Variants in CA5A observed in about 807,000 individuals in gnomAD.
The protein encoded by CA5A is carbonic anhydrase 5A, also known as carbonic anhydrase 5A, mitochondrial.
A neutral mutation model predicts 37.1 loss-of-function variants in CA5A; 28 were observed. The observed-to-expected ratio is 0.75, with a 90% CI of 0.56 to 1.03. The LOEUF (loss-of-function observed/expected upper bound fraction) is 1.03. Among genes scored for constraint, CA5A ranks in the 50% least tolerant of loss-of-function variants. The pLI is 0.00. For synonymous variants in CA5A, 171 were observed against 158.4 expected, an observed-to-expected ratio of 1.08 and a Z score of -0.60; for missense variants, 444 against 399.9, an observed-to-expected ratio of 1.11 and a Z score of -0.94.
rs575176640 is a variant in CA5A at position 87,909,585 on chromosome 16, C to T, written c.341-4681G>A. Among the ~76,000 whole-genome samples, 11 of 152,238 alleles carry T rather than the reference C, an allele frequency of 7.2e-5. No homozygotes were observed. In the South Asian group the frequency reaches 2.1e-3, roughly 29 times the overall value. The stretch of plus-strand genomic sequence containing the variant: ...AGCAACGTAGCCCGCGCGGGGCGCA[C>T]GCATTTCAGGAAGACACAGAGGCCT... On this transcript the variant is annotated intron_variant, in intron 2 of 6. Coordinates refer to ENST00000649794, the MANE Select transcript of CA5A (RefSeq NM_001739.2).
Position 87,911,425 on chromosome 16 carries a change from G to C in CA5A, c.341-6521C>G, listed in dbSNP as rs568933808. 6.6e-6 allele frequency among the ~76,000 whole-genome samples: 1 copy of C among 152,172 alleles called. No homozygotes were observed. The highest frequency in any genetic ancestry group is 2.4e-5 in the African/African-American group (1 of 41,440). On this transcript the variant is annotated intron_variant, in intron 2 of 6. Coordinates refer to ENST00000649794, the MANE Select transcript of CA5A (RefSeq NM_001739.2). The surrounding 1 kb of genome is among the most constrained non-coding windows in gnomAD (Gnocchi z 4.6). The stretch of plus-strand genomic sequence containing the variant: ...GTTAATAGCCATCTATTTGTAGTTC[G>C]GGGCTTTTACCAAGATGAGCAGGCT...
At chr16:87,899,456 C>T (rs528189040) in intron 5 of CA5A, among the ~76,000 whole-genome samples, 3 of 151,120 alleles carry the variant, frequency 2.0e-5, no homozygotes, top group Admixed American at 2.0e-4. Flanking sequence ...GCACCCGCCA[C>T]CACGCCTGGC....
At chr16:87,914,360 C>T (rs913272373) in intron 2 of CA5A, among the ~76,000 whole-genome samples, 6 of 152,184 alleles carry the variant, frequency 3.9e-5, no homozygotes, top group Admixed American at 1.3e-4. Context: ...GTCAGGCAAC[C>T]GCCAGCAGCA....
At chr16:87,914,057 G>A (rs925992607) in intron 2 of CA5A, among the ~76,000 whole-genome samples, 1 of 152,224 alleles carries the variant, frequency 6.6e-6, no homozygotes, top group Non-Finnish European at 1.5e-5. Flanking sequence ...GTGAGTGCCA[G>A]GGCTGGGTCT....
chr16:87,881,731 G>A (rs1337976933), exon 5 of CA5A: 1 of 152,220 alleles, frequency 6.6e-6, no homozygotes, highest in Non-Finnish European at 1.5e-5. Flanking sequence ...CGGGAGGGAA[G>A]CCTCCTGTTT....
At chr16:87,925,784 G>A (rs1451051732) in intron 2 of CA5A, among the ~76,000 whole-genome samples, 1 of 152,028 alleles carries the variant, frequency 6.6e-6, no homozygotes, top group Non-Finnish European at 1.5e-5. Context: ...TGGCTTTCAG[G>A]ACCTCTCAAG....
intron 1 of CA5A, among the ~76,000 whole-genome samples, chr16:87,929,894 AAAT>A (rs1216330355): frequency 1.2e-3 from 185 of 151,510 alleles, no homozygotes; most frequent in African/African-American, 4.3e-3. Flanking sequence ...AAAAAAAAAA[AAAT>A]AAGTAAACCA....
chr16:87,931,619 G>A (rs962414052), intron 1 of CA5A, among the ~76,000 whole-genome samples: 5 of 152,202 alleles, frequency 3.3e-5, no homozygotes, highest in South Asian at 4.1e-4. Flanking sequence ...GCTCGCTGGC[G>A]CTGGGGAAGG....
At chr16:87,908,299 G>C (rs189847495) in intron 2 of CA5A, among the ~76,000 whole-genome samples, 1 of 152,326 alleles carries the variant, frequency 6.6e-6, no homozygotes, top group African/African-American at 2.4e-5. Context: ...CTCTCTACCT[G>C]TTAAATGAGA....
chr16:87,904,967 C>G, intron 2 of CA5A, 63 bp from the exon 3 acceptor site: 2 of 1,018,892 alleles, frequency 2.0e-6, no homozygotes, highest in Admixed American at 3.4e-5. Context: ...GTGGTGTTAC[C>G]TGAGGCATTG....
chr16:87,920,730 T>A (rs1453344919), intron 2 of CA5A, among the ~76,000 whole-genome samples: 1 of 152,200 alleles, frequency 6.6e-6, no homozygotes, highest in Middle Eastern at 3.2e-3. Context: ...GCAATTCTTC[T>A]GCCTCAGCCT....
rs1225842307 is a variant in CA5A, at chr16:87,881,985, C to G, written c.*17-46G>C. ...TGAAGGTCAGCCACTCCCTGCTTCT[C>G]TTGGTGTCTTGTTGGACACGATGTC... On this transcript the variant is annotated intron_variant, in intron 4 of 4. Coordinates refer to the CA5A transcript ENST00000648177. 2.6e-5 allele frequency: 4 copies of G among 152,246 alleles called. No individual in the cohort carries two copies. The East Asian group carries it at 7.7e-4, about 29-fold the overall frequency. The allele number at this position is 152,246 out of a possible 1,614,324, so 9.4% of individuals were successfully genotyped here.
chr16:87,888,625 G>A (rs986287654), intron 6 of CA5A, among the ~76,000 whole-genome samples: 3 of 152,180 alleles, frequency 2.0e-5, no homozygotes, highest in Non-Finnish European at 4.4e-5. Flanking sequence ...GAATCCTCTA[G>A]CCCTAGTTGA....
intron 2 of CA5A, among the ~76,000 whole-genome samples, chr16:87,922,490 G>A (rs1397649090): frequency 6.6e-6 from 1 of 152,226 alleles, no homozygotes; most frequent in African/African-American, 2.4e-5. Flanking sequence ...ATGCTGCCAT[G>A]AGCTGAACAG....
intron 2 of CA5A, among the ~76,000 whole-genome samples, chr16:87,918,669 C>T (rs1217023573): frequency 6.6e-6 from 1 of 152,240 alleles, no homozygotes; most frequent in African/African-American, 2.4e-5. Flanking sequence ...TGTCCGCTCC[C>T]TTCCCTTTCT....
chr16:87,908,417 G>A (rs531715384), intron 2 of CA5A, among the ~76,000 whole-genome samples: 1 of 152,228 alleles, frequency 6.6e-6, no homozygotes, highest in Non-Finnish European at 1.5e-5. Flanking sequence ...GGGCTCCGCA[G>A]CTTCGTCTGT....
intron 1 of CA5A, among the ~76,000 whole-genome samples, chr16:87,933,657 A>T (rs1322878312): frequency 6.6e-6 from 1 of 152,020 alleles, no homozygotes; most frequent in Non-Finnish European, 1.5e-5. Context: ...CAGTGCTGGG[A>T]TTACAGGTGT....
At chr16:87,925,436 C>G (rs78162317) in intron 2 of CA5A, 1 of 152,208 alleles carries the variant, frequency 6.6e-6, no homozygotes, top group Non-Finnish European at 1.5e-5. Context: ...GTGTTCTGTA[C>G]CAGAGGAGCT....
At chr16:87,924,015 C>T (rs1169726976) in intron 2 of CA5A, 3 of 985,398 alleles carry the variant, frequency 3.0e-6, no homozygotes, top group East Asian at 1.1e-4. Context: ...GCTTCTTGGG[C>T]ATTTGAACTT....
Sources: allele counts gnomAD v4.1 joint callset (sites outside exome capture counted in the v4.1 genomes callset), GRCh38; gene constraint gnomAD v4.1.1; non-coding constraint Gnocchi (gnomAD v3.1); transcripts MANE v1.5; gene names NCBI Gene and HGNC (gene_info 2026-07-23, HGNC 2026-07-21).